The following ME3 variants were observed in gnomAD, a reference collection of about 807,000 sequenced individuals.
ME3 encodes the protein malic enzyme 3, also known as NADP-dependent malic enzyme, mitochondrial.
ME3 carries 48 observed loss-of-function variants against 68.9 expected under a neutral mutation model. That is an observed-to-expected ratio of 0.70 (90% CI 0.55 to 0.89). The LOEUF is 0.89. Ranked by LOEUF, ME3 falls within the 40% of genes least tolerant of loss-of-function variation. The pLI is 0.00. For missense variants in ME3, 675 were observed against 797.4 expected (o/e 0.85, Z 1.85); for synonymous variants, 320 against 318.8 (o/e 1.00, Z -0.04).
intron 4 of ME3, among the ~76,000 whole-genome samples, chr11:86,512,437 C>G (rs879944909): frequency 6.6e-6 from 1 of 152,240 alleles, no homozygotes; most frequent in Non-Finnish European, 1.5e-5. Flanking sequence ...TTATTCACCA[C>G]TATATCCCTA....
At chr11:86,563,137 G>A (rs1957322094) in intron 2 of ME3, among the ~76,000 whole-genome samples, 2 of 152,212 alleles carry the variant, frequency 1.3e-5, no homozygotes, top group African/African-American at 4.8e-5. Context: ...ACATACAAGT[G>A]CATGTGTCTT....
intron 14 of ME3, 30 bp from the exon 15 acceptor site, chr11:86,441,470 C>T (rs202058307): frequency 8.0e-5 from 124 of 1,555,412 alleles, no homozygotes; most frequent in Middle Eastern, 3.5e-4. Context: ...GCTAAGGAAC[C>T]GGATCTAAGG....
intron 2 of ME3, among the ~76,000 whole-genome samples, chr11:86,645,471 C>G (rs1474813041): frequency 6.6e-6 from 1 of 152,190 alleles, no homozygotes; most frequent in Non-Finnish European, 1.5e-5. Flanking sequence ...GCGGAGCCCA[C>G]TGCAGCTCGT....
chr11:86,523,718 G>T (rs149625329), intron 4 of ME3, among the ~76,000 whole-genome samples: 1 of 152,030 alleles, frequency 6.6e-6, no homozygotes, highest in Non-Finnish European at 1.5e-5. Context: ...ACTAAAAATC[G>T]TGAGTACATG....
chr11:86,637,967 TACACACACACACAC>T (rs5793205), intron 2 of ME3, among the ~76,000 whole-genome samples: 7 of 145,052 alleles, frequency 4.8e-5, no homozygotes, highest in Admixed American at 6.8e-5. Flanking sequence ...TGCTCATGCA[TACACACACACACAC>T]ACACACACAC....
intron 2 of ME3, among the ~76,000 whole-genome samples, chr11:86,639,977 ATCT>A: frequency 6.6e-6 from 1 of 152,268 alleles, no homozygotes; most frequent in African/African-American, 2.4e-5. Context: ...TGATCTCAAC[ATCT>A]TCTATTGGGC....
At chr11:86,556,797 G>A in intron 3 of ME3, 95 bp from the exon 4 acceptor site, 1 of 1,379,470 alleles carries the variant, frequency 7.2e-7, no homozygotes, top group Non-Finnish European at 1.0e-6. Context: ...TCCTGTTCCT[G>A]CTCAGCCCGG....
chr11:86,651,584 C>T (rs1384439952), intron 2 of ME3, among the ~76,000 whole-genome samples: 1 of 152,206 alleles, frequency 6.6e-6, no homozygotes, highest in African/African-American at 2.4e-5. Flanking sequence ...CACACCAAAA[C>T]TCCATCTGTA....
chr11:86,570,320 A>C (rs1044645035), intron 2 of ME3, among the ~76,000 whole-genome samples: 2 of 152,146 alleles, frequency 1.3e-5, no homozygotes, highest in African/African-American at 4.8e-5. Context: ...TGTACAGTTT[A>C]AGCTGATGAG....
chr11:86,598,775 G>T (rs1399106673), intron 2 of ME3, among the ~76,000 whole-genome samples: 1 of 152,194 alleles, frequency 6.6e-6, no homozygotes, highest in Non-Finnish European at 1.5e-5. Flanking sequence ...CTATCAGACA[G>T]CAGCATTCGC....
chr11:86,621,932 G>C, intron 2 of ME3, among the ~76,000 whole-genome samples: 1 of 151,908 alleles, frequency 6.6e-6, no homozygotes, highest in East Asian at 1.9e-4. Flanking sequence ...GAGCTTACAG[G>C]AGCTTTATGG....
chr11:86,530,579 C>A (rs1314552333), intron 4 of ME3, among the ~76,000 whole-genome samples: 1 of 152,146 alleles, frequency 6.6e-6, no homozygotes, highest in East Asian at 1.9e-4. Context: ...GGAGGCATCA[C>A]GCTACCTGAC....
chr11:86,560,733 T>G (rs1957172377), intron 2 of ME3, among the ~76,000 whole-genome samples: 1 of 66,414 alleles, frequency 1.5e-5, no homozygotes, highest in Admixed American at 1.8e-4. Context: ...TGTATGTGTG[T>G]GTGTGTGTGT....
At chr11:86,603,155 A>G (rs1280947079) in intron 2 of ME3, among the ~76,000 whole-genome samples, 2 of 152,232 alleles carry the variant, frequency 1.3e-5, no homozygotes, top group African/African-American at 4.8e-5. Flanking sequence ...ATCAGAGTGA[A>G]CAGGCAGCCT....
At chr11:86,463,885 A>T (rs1295263640) in intron 8 of ME3, among the ~76,000 whole-genome samples, 1 of 152,244 alleles carries the variant, frequency 6.6e-6, no homozygotes, top group Admixed American at 6.5e-5. Context: ...TCTCAACTCT[A>T]TGCTTAATGG....
intron 5 of ME3, among the ~76,000 whole-genome samples, chr11:86,503,140 G>A (rs1952838129): frequency 6.6e-6 from 1 of 152,056 alleles, no homozygotes; most frequent in Non-Finnish European, 1.5e-5. Flanking sequence ...CCCTTGCAAA[G>A]AACCTAACCT....
intron 2 of ME3, among the ~76,000 whole-genome samples, chr11:86,618,958 C>A (rs1289272621): frequency 6.6e-6 from 1 of 152,168 alleles, no homozygotes; most frequent in Non-Finnish European, 1.5e-5. Flanking sequence ...ATCCACCCGC[C>A]TTGGCCTCCC....
chr11:86,485,468 C>CTTGAAT (rs1417900549), intron 7 of ME3, among the ~76,000 whole-genome samples: 1 of 152,186 alleles, frequency 6.6e-6, no homozygotes, highest in Non-Finnish European at 1.5e-5. Flanking sequence ...GCAGCTGACC[C>CTTGAAT]TTGAATTTGC....
Position 86,486,628 on chromosome 11 carries a change from A to G in ME3, c.809+709T>C, listed in dbSNP as rs1951704335. ...GGAGATTTGCAAGTGAGAGGGGAAC[A>G]TGCTTTGTCTTCAGAGGCCCACTGA... On this transcript the variant is annotated intron_variant, in intron 7 of 14. Transcript: ENST00000543262. 2.0e-5 allele frequency among the ~76,000 whole-genome samples: 3 copies of G among 152,368 alleles called. No individual in the cohort carries two copies. In the South Asian group the frequency reaches 6.2e-4, roughly 32 times the overall value.
Sources: allele counts gnomAD v4.1 joint callset (sites outside exome capture counted in the v4.1 genomes callset), GRCh38; gene constraint gnomAD v4.1.1; transcripts MANE v1.5; gene names NCBI Gene and HGNC (gene_info 2026-07-23, HGNC 2026-07-21).